The following BCAS1 variants were observed in gnomAD, a reference collection of about 807,000 sequenced individuals.
BCAS1 encodes breast carcinoma-amplified sequence 1.
Under a neutral mutation model 65.4 loss-of-function variants are expected in BCAS1, and 46 were observed. The ratio of observed to expected loss-of-function variants is 0.70; its 90% CI spans 0.55 to 0.90. The LOEUF (loss-of-function observed/expected upper bound fraction) is 0.90. Ranked by LOEUF, BCAS1 falls within the 40% of genes least tolerant of loss-of-function variation. BCAS1 has a pLI of 0.00. For missense variants in BCAS1, 793 were observed against 771.2 expected, an observed-to-expected ratio of 1.03 and a Z score of -0.33; for synonymous variants, 298 against 293.5, an observed-to-expected ratio of 1.02 and a Z score of -0.16.
chr20:53,976,776 C>A (rs2090345775), intron 8 of BCAS1, among the ~76,000 whole-genome samples: 1 of 152,162 alleles, frequency 6.6e-6, no homozygotes, highest in Non-Finnish European at 1.5e-5. Context: ...TAGATGAGAT[C>A]TTCAGATTGC....
intron 4 of BCAS1, among the ~76,000 whole-genome samples, chr20:54,027,923 C>T (rs948988005): frequency 6.6e-6 from 1 of 152,180 alleles, no homozygotes; most frequent in African/African-American, 2.4e-5. Context: ...CAAACACACA[C>T]CTTAGAGCAA....
chr20:54,001,000 C>T (rs1381775177), intron 4 of BCAS1, among the ~76,000 whole-genome samples: 1 of 152,186 alleles, frequency 6.6e-6, no homozygotes, highest in Non-Finnish European at 1.5e-5. Flanking sequence ...TGCTTCTTTG[C>T]TTCCCTGGTA....
intron 3 of BCAS1, among the ~76,000 whole-genome samples, chr20:54,051,235 G>A (rs967374973): frequency 3.9e-5 from 6 of 152,140 alleles, no homozygotes; most frequent in African/African-American, 1.4e-4. Flanking sequence ...CTTTCTAACT[G>A]CCTGATCTCT....
Position 53,968,542 on chromosome 20 carries a change from G to A in BCAS1, c.1318-1469C>T, listed in dbSNP as rs144808075. 2.5e-3 allele frequency among the ~76,000 whole-genome samples: 387 copies of A among 152,258 alleles called. 2 individuals carry two copies. Among genetic ancestry groups the A allele is most frequent in the African/African-American group, 9.1e-3 (380 of 41,538 alleles). ...GTCTCTGTATTGCCATTTGATTCAG[G>A]GAGTTGCCCATCAGTAAATCAGCAT... On this transcript the variant is annotated intron_variant, in intron 9 of 12. Coordinates refer to ENST00000688948, the MANE Select transcript of BCAS1 (RefSeq NM_001366298.2).
chr20:53,955,587 C>T (rs1464613554), intron 11 of BCAS1, among the ~76,000 whole-genome samples: 1 of 152,140 alleles, frequency 6.6e-6, no homozygotes, highest in Non-Finnish European at 1.5e-5. Context: ...CTAATTCCAC[C>T]ATAACCTTGC....
intron 1 of BCAS1, among the ~76,000 whole-genome samples, chr20:54,062,979 TACA>T (rs1846802977): frequency 6.6e-6 from 1 of 152,236 alleles, no homozygotes; most frequent in South Asian, 2.1e-4. Context: ...GAATTCAGCC[TACA>T]GGACTAGGTC....
At position 53,995,007 on chromosome 20, in the gene BCAS1, C is replaced by T. The variant is rs772280595; in HGVS notation, c.927+5G>A. The T allele has an allele frequency of 6.2e-7, 1 of 1,612,850 alleles. No homozygotes were observed. Among genetic ancestry groups the T allele is most frequent in the Non-Finnish European group, 8.5e-7 (1 of 1,179,386 alleles). On this transcript the variant is annotated splice_donor_5th_base_variant and intron_variant, in intron 6 of 12. Coordinates refer to ENST00000688948, the MANE Select transcript of BCAS1 (RefSeq NM_001366298.2). The stretch of plus-strand genomic sequence containing the variant: ...ATATATACATACACACTTCCAACTA[C>T]CTACCGTGTCTTCTGGGTCCTTTTT...
chr20:54,011,101 A>T (rs2091309909), intron 4 of BCAS1, among the ~76,000 whole-genome samples: 1 of 152,164 alleles, frequency 6.6e-6, no homozygotes, highest in Non-Finnish European at 1.5e-5. Context: ...CGTGGACTTA[A>T]ACATAAAACC....
At chr20:53,982,193 T>A (rs2090499563) in intron 8 of BCAS1, among the ~76,000 whole-genome samples, 1 of 152,126 alleles carries the variant, frequency 6.6e-6, no homozygotes, top group South Asian at 2.1e-4. Context: ...ACAAGAATTA[T>A]CAAGACTGTG....
intron 10 of BCAS1, among the ~76,000 whole-genome samples, chr20:53,959,222 A>AT (rs1181950173): frequency 1.3e-5 from 2 of 151,764 alleles, no homozygotes; most frequent in Non-Finnish European, 1.5e-5. Context: ...TCCCAGATAG[A>AT]TAGGACTACA....
rs184474341 is a variant in BCAS1 at position 54,063,788 on chromosome 20, G to A, written c.-5-5065C>T. Among the ~76,000 whole-genome samples, 19 of 152,190 alleles carry A rather than the reference G, an allele frequency of 1.2e-4. No homozygotes were observed. In the East Asian group the frequency reaches 3.7e-3, roughly 29 times the overall value. ...CAGACAGTAATTCTTGTCTGTAATA[G>A]TTTTCTCCCATTTCTCAAAAAGGAG... On this transcript the variant is annotated intron_variant, in intron 1 of 12. Coordinates refer to ENST00000688948, the MANE Select transcript of BCAS1 (RefSeq NM_001366298.2).
chr20:53,968,105 T>C (rs1160894708), intron 9 of BCAS1, among the ~76,000 whole-genome samples: 1 of 152,234 alleles, frequency 6.6e-6, no homozygotes, highest in Non-Finnish European at 1.5e-5. Flanking sequence ...GTGATCCTCC[T>C]ACCTTGGCCT....
chr20:54,035,257 G>A lies in BCAS1; in HGVS notation c.143-6285C>T, dbSNP rs374098929. ...CTACTAAAAATACAAAAAATTAGCCGGGTGTGGTGGCAGGCGCCTGTAGTC... is the reference window on the plus strand; with the variant it reads ...CTACTAAAAATACAAAAAATTAGCCAGGTGTGGTGGCAGGCGCCTGTAGTC... On this transcript the variant is annotated intron_variant, in intron 3 of 12. Transcript: ENST00000688948. Among the ~76,000 whole-genome samples the A allele has an allele frequency of 1.9e-4, 29 of 150,524 alleles. 1 individual carries two copies. Among genetic ancestry groups the A allele is most frequent in the Non-Finnish European group, 3.7e-4 (25 of 67,210 alleles).
At chr20:53,977,747 T>A (rs1314867632) in intron 8 of BCAS1, among the ~76,000 whole-genome samples, 1 of 152,218 alleles carries the variant, frequency 6.6e-6, no homozygotes, top group Non-Finnish European at 1.5e-5. Context: ...TTATAAATAT[T>A]GTCTTTTTCA....
chr20:54,064,106 C>T (rs1306629553), intron 1 of BCAS1, among the ~76,000 whole-genome samples: 1 of 152,196 alleles, frequency 6.6e-6, no homozygotes, highest in Non-Finnish European at 1.5e-5. Context: ...CCGCCTCCTG[C>T]CTGTGTTATG....
intron 8 of BCAS1, among the ~76,000 whole-genome samples, chr20:53,981,271 G>A (rs1405915125): frequency 6.6e-6 from 1 of 152,166 alleles, no homozygotes; most frequent in Non-Finnish European, 1.5e-5. Context: ...CATCTTTCAA[G>A]TGCTTCCATA....
intron 3 of BCAS1, among the ~76,000 whole-genome samples, chr20:54,050,573 T>C (rs560448813): frequency 6.6e-6 from 1 of 152,370 alleles, no homozygotes; most frequent in South Asian, 2.1e-4. Context: ...CATACACAGA[T>C]ACACGTCAGT....
chr20:54,009,769 AG>A (rs1321445666), intron 4 of BCAS1, among the ~76,000 whole-genome samples: 2 of 152,188 alleles, frequency 1.3e-5, no homozygotes, highest in Non-Finnish European at 1.5e-5. Flanking sequence ...ATGGCACCAA[AG>A]AAATGAAAAA....
At chr20:53,966,766 C>T in intron 10 of BCAS1, 140 bp downstream of exon 10, 1 of 729,942 alleles carries the variant, frequency 1.4e-6, no homozygotes, top group Non-Finnish European at 2.1e-6. Context: ...GGAATTTTCT[C>T]ACTATGCAAT....
Sources: allele counts gnomAD v4.1 joint callset (sites outside exome capture counted in the v4.1 genomes callset), GRCh38; gene constraint gnomAD v4.1.1; transcripts MANE v1.5; gene names NCBI Gene and HGNC (gene_info 2026-07-23, HGNC 2026-07-21).